The following GNB4 variants were observed in gnomAD, a reference collection of about 807,000 sequenced individuals.
The protein encoded by GNB4 is G protein subunit beta 4.
GNB4 carries 28 observed loss-of-function variants against 45.2 expected under a neutral mutation model. The ratio of observed to expected loss-of-function variants is 0.62; its 90% confidence interval spans 0.46 to 0.85. The LOEUF (loss-of-function observed/expected upper bound fraction) is 0.85. Among genes scored for constraint, GNB4 ranks in the 40% least tolerant of loss-of-function variants. GNB4 has a pLI of 0.00. For synonymous variants in GNB4, 132 were observed against 143.7 expected (o/e 0.92, Z 0.58); for missense variants, 321 against 425.4 (o/e 0.75, Z 2.16).
At chr3:179,520,326 T>C in the GNB4 span, among the ~76,000 whole-genome samples, 4 of 152,140 alleles carry the variant, frequency 2.6e-5, no homozygotes, top group Non-Finnish European at 5.9e-5. Context: ...CTCTCCCTGC[T>C]GATCATGTCC....
Position 179,401,088 on chromosome 3 carries a change from T to C in GNB4, c.*125A>G, listed in dbSNP as rs555850046. 2.0e-3 allele frequency: 1,182 copies of C among 585,138 alleles called. 8 individuals are homozygous for C. In the African/African-American group the frequency reaches 0.021, roughly 10 times the overall value. 36.2% of individuals were successfully genotyped at this position (585,138 alleles called of 1,614,324 possible). A position where few individuals can be genotyped will look rare whatever the true frequency, so the allele number is the denominator to read the frequency against. On this transcript the variant is annotated 3_prime_UTR_variant, in exon 10 of 10. Coordinates refer to ENST00000232564, the MANE Select transcript of GNB4 (RefSeq NM_021629.4). ...TTTTTGGTAGTTTACTGAAAGCTTG[T>C]TTTTGTAGATAATCTAATAGAAAAA...
chr3:179,439,647 T>G (rs1396049995), intron 1 of GNB4, among the ~76,000 whole-genome samples: 3 of 152,216 alleles, frequency 2.0e-5, no homozygotes, highest in Non-Finnish European at 4.4e-5. Flanking sequence ...GAGACAAATG[T>G]ATATCTCACT....
chr3:179,473,484 G>A, the GNB4 span, among the ~76,000 whole-genome samples: 1 of 151,812 alleles, frequency 6.6e-6, no homozygotes, highest in African/African-American at 2.4e-5. Context: ...CACCCAGGCT[G>A]GAGTGCAGTT....
At position 179,400,107 on chromosome 3, in the gene GNB4, A is replaced by G. The variant is rs1380806285; in HGVS notation, c.*1106T>C. On this transcript the variant is annotated 3_prime_UTR_variant, in exon 10 of 10. Coordinates refer to ENST00000232564, the MANE Select transcript of GNB4 (RefSeq NM_021629.4). ...TGTGCTAAGGAAGGGAAGAAATACT[A>G]CAAAATGTTGCAAAACAGAACAAAA... The G allele has an allele frequency of 6.6e-6, 1 of 152,256 alleles. No individual in the cohort carries two copies. Among genetic ancestry groups the G allele is most frequent in the African/African-American group, 2.4e-5 (1 of 41,476 alleles). 9.4% of individuals were successfully genotyped at this position (152,256 alleles called of 1,614,324 possible). A position where few individuals can be genotyped will look rare whatever the true frequency, so the allele number is the denominator to read the frequency against.
the GNB4 span, among the ~76,000 whole-genome samples, chr3:179,506,454 C>G: frequency 1.3e-5 from 2 of 151,832 alleles, no homozygotes; most frequent in South Asian, 4.1e-4. Context: ...TTATCTGATA[C>G]AGAGAGGGAA....
chr3:179,441,229 G>A (rs144593253), intron 1 of GNB4, among the ~76,000 whole-genome samples: 254 of 152,226 alleles, frequency 1.7e-3, no homozygotes, highest in Non-Finnish European at 3.0e-3. Flanking sequence ...TGAGAAACAC[G>A]TCCTTAGGCA....
chr3:179,445,865 T>C (rs537538344), intron 1 of GNB4, among the ~76,000 whole-genome samples: 2 of 152,310 alleles, frequency 1.3e-5, no homozygotes, highest in East Asian at 3.9e-4. Flanking sequence ...TACATTTCTT[T>C]TGTAATAACT....
the GNB4 span, among the ~76,000 whole-genome samples, chr3:179,462,173 CAT>C: frequency 3.4e-4 from 45 of 132,178 alleles, no homozygotes; most frequent in East Asian, 1.0e-3. Context: ...TGTGTGTGCA[CAT>C]GTGTGTGTGT....
chr3:179,409,818 A>AC (rs1189678083), intron 8 of GNB4, among the ~76,000 whole-genome samples: 9 of 117,704 alleles, frequency 7.6e-5, no homozygotes, highest in African/African-American at 2.7e-4. Flanking sequence ...CAAAAAAAAA[A>AC]ACAAAAAAAC....
chr3:179,468,035 A>AAAAAAAAAAAAAAAAATAT, the GNB4 span, among the ~76,000 whole-genome samples: 3 of 89,854 alleles, frequency 3.3e-5, no homozygotes, highest in Non-Finnish European at 4.8e-5. Flanking sequence ...TGTTGATAAA[A>AAAAAAAAAAAAAAAAATAT]ATATATATAT....
At chr3:179,436,388 C>A (rs1012892638) in intron 1 of GNB4, among the ~76,000 whole-genome samples, 4 of 151,996 alleles carry the variant, frequency 2.6e-5, no homozygotes, top group Non-Finnish European at 5.9e-5. Flanking sequence ...GAAACTCCAT[C>A]TCAAAATAAA....
At chr3:179,439,132 GT>G in intron 1 of GNB4, among the ~76,000 whole-genome samples, 1 of 152,142 alleles carries the variant, frequency 6.6e-6, no homozygotes, top group Middle Eastern at 3.2e-3. Flanking sequence ...AGCAATCTGT[GT>G]TTTAGCAAGT....
chr3:179,449,204 C>T (rs1715810211), intron 1 of GNB4, among the ~76,000 whole-genome samples: 1 of 152,116 alleles, frequency 6.6e-6, no homozygotes, highest in South Asian at 2.1e-4. Context: ...CTAGAGAACC[C>T]ACATTAAAAT....
the GNB4 span, among the ~76,000 whole-genome samples, chr3:179,484,836 ATGTGTGTG>A: frequency 8.2e-5 from 12 of 146,996 alleles, no homozygotes; most frequent in African/African-American, 1.5e-4. Flanking sequence ...AGCTATATAT[ATGTGTGTG>A]TGTGTGTGTG....
chr3:179,402,972 A>G (rs1714347736), intron 9 of GNB4, among the ~76,000 whole-genome samples: 1 of 152,230 alleles, frequency 6.6e-6, no homozygotes, highest in Non-Finnish European at 1.5e-5. Context: ...GATGCGATTG[A>G]TAAAACTGTG....
the GNB4 span, among the ~76,000 whole-genome samples, chr3:179,515,839 C>T: frequency 6.6e-6 from 1 of 151,932 alleles, no homozygotes; most frequent in Non-Finnish European, 1.5e-5. Context: ...AGCATGGGAA[C>T]CTAGAGTGGG....
At chr3:179,408,674 C>A (rs1469973750) in intron 8 of GNB4, among the ~76,000 whole-genome samples, 1 of 151,948 alleles carries the variant, frequency 6.6e-6, no homozygotes, top group Non-Finnish European at 1.5e-5. Context: ...CACCTGTAGT[C>A]CCAGCTACTC....
At chr3:179,505,508 G>A in the GNB4 span, among the ~76,000 whole-genome samples, 12 of 152,224 alleles carry the variant, frequency 7.9e-5, no homozygotes, top group African/African-American at 2.6e-4. Flanking sequence ...TTTACCTTAC[G>A]AAATTCAGCT....
chr3:179,401,649 C>T (rs1714307060), intron 9 of GNB4, among the ~76,000 whole-genome samples: 1 of 152,114 alleles, frequency 6.6e-6, no homozygotes, highest in African/African-American at 2.4e-5. Context: ...CTAATAAGTT[C>T]TCGATATTCC....
Sources: allele counts gnomAD v4.1 joint callset (sites outside exome capture counted in the v4.1 genomes callset), GRCh38; gene constraint gnomAD v4.1.1; transcripts MANE v1.5; gene names NCBI Gene and HGNC (gene_info 2026-07-23, HGNC 2026-07-21).